CNOT1: variants seen among roughly 807,000 people sequenced by gnomAD.
CNOT1 encodes CCR4-associated factor 1.
Under a neutral mutation model 273.8 loss-of-function variants are expected in CNOT1, and 15 were observed. The observed-to-expected ratio is 0.05, with a 90% CI of 0.04 to 0.08. The LOEUF (loss-of-function observed/expected upper bound fraction) is 0.08, where lower values mean the gene tolerates loss of function less well. Among genes scored for constraint, CNOT1 ranks in the 10% least tolerant of loss-of-function variants. The pLI, the probability that CNOT1 is intolerant of heterozygous loss-of-function variation, is 1.00. For missense variants in CNOT1, 1,644 were observed against 2,912.2 expected (o/e 0.56, Z 10.02); for synonymous variants, 1,022 against 1,005.5 (o/e 1.02, Z -0.31).
chr16:58,545,697 T>G (rs940160718), intron 29 of CNOT1, among the ~76,000 whole-genome samples: 1 of 152,200 alleles, frequency 6.6e-6, no homozygotes, highest in Non-Finnish European at 1.5e-5. Flanking sequence ...TGTTAAACTA[T>G]GTCAGTGCCA....
chr16:58,601,404 C>A (rs1444027389), intron 1 of CNOT1, among the ~76,000 whole-genome samples: 1 of 152,036 alleles, frequency 6.6e-6, no homozygotes, highest in Non-Finnish European at 1.5e-5. Flanking sequence ...GCCACAACAC[C>A]CATTTTTTAA....
In CNOT1 at chr16:58,599,301, T is replaced by C. The variant is rs2152007463; in HGVS notation, c.37A>G (p.Ile13Val). 6.2e-7 allele frequency: 1 copy of C among 1,614,198 alleles called. No homozygotes were observed. The highest frequency in any genetic ancestry group is 1.3e-5 in the African/African-American group (1 of 75,062). ...LDSLSLALSQ[I>V]SYLVDNLTKK... ...GTTAAATTGTCCACCAGGTAGCTGA[T>C]TTGAGACAAGGCCAGCGAGAGCGAG... Residue 13 changes from isoleucine to valine, a missense_variant, in exon 2 of 49, where the codon ATC becomes GTC. Physicochemically the swap from Ile to Val is conservative, Grantham distance 29 (BLOSUM62 3). Around this residue, in one of 13 missense-constraint regions of CNOT1, gnomAD observed 706 missense variants for 1,021.2 expected, o/e 0.69. Coordinates refer to ENST00000317147, the MANE Select transcript of CNOT1 (RefSeq NM_016284.5).
chr16:58,522,651 T>A (rs999026846), intron 47 of CNOT1, among the ~76,000 whole-genome samples: 1 of 152,184 alleles, frequency 6.6e-6, no homozygotes, highest in Non-Finnish European at 1.5e-5. Flanking sequence ...AATGCAAGTA[T>A]GATCCTGTTA....
intron 1 of CNOT1, among the ~76,000 whole-genome samples, chr16:58,599,824 G>A (rs1240370840): frequency 6.6e-6 from 1 of 152,124 alleles, no homozygotes; most frequent in African/African-American, 2.4e-5. Context: ...CCAGCACTTT[G>A]CGAGGCCGAG....
At chr16:58,600,640 C>T (rs1332915659) in intron 1 of CNOT1, among the ~76,000 whole-genome samples, 1 of 152,088 alleles carries the variant, frequency 6.6e-6, no homozygotes, top group Non-Finnish European at 1.5e-5. Context: ...AATGGCTGTA[C>T]AGGTAAGGAA....
Position 58,521,233 on chromosome 16 carries a change from C to T in CNOT1, c.7002G>A (p.Ala2334=), listed in dbSNP as rs754967022. The T allele has an allele frequency of 1.1e-5, 17 of 1,613,986 alleles. No homozygotes were observed. Among genetic ancestry groups the T allele is most frequent in the East Asian group, 8.9e-5 (4 of 44,898 alleles). ...ITFIELIKNP[A]FKFWNHEFVH... Reference sequence around the variant, plus strand: ...CAAATTCATGGTTCCAGAACTTAAACGCTGGGTTTTTAATCAGCTCAATGA... The same window carrying T: ...CAAATTCATGGTTCCAGAACTTAAATGCTGGGTTTTTAATCAGCTCAATGA... The change falls in exon 48 of 49, where the codon GCG becomes GCA. Residue 2334 remains alanine (A), a synonymous_variant. Transcript: ENST00000317147.
chr16:58,562,995 A>G (rs2040914372), intron 16 of CNOT1, among the ~76,000 whole-genome samples: 1 of 152,226 alleles, frequency 6.6e-6, no homozygotes, highest in African/African-American at 2.4e-5. Flanking sequence ...GTACTGAATA[A>G]GCCTATATTA....
intron 16 of CNOT1, among the ~76,000 whole-genome samples, chr16:58,572,979 A>C (rs2041330256): frequency 1.3e-5 from 2 of 151,664 alleles, no homozygotes; most frequent in African/African-American, 2.4e-5. Context: ...AATCAGTACA[A>C]GATGTACACT....
At chr16:58,611,963 T>C (rs1376778208) in intron 1 of CNOT1, among the ~76,000 whole-genome samples, 1 of 152,142 alleles carries the variant, frequency 6.6e-6, no homozygotes, top group African/African-American at 2.4e-5. Flanking sequence ...ATCTGTTTGC[T>C]CGTTTGTTTT....
At chr16:58,545,746 A>G (rs1053328214) in intron 29 of CNOT1, among the ~76,000 whole-genome samples, 3 of 152,196 alleles carry the variant, frequency 2.0e-5, no homozygotes, top group African/African-American at 7.2e-5. Context: ...CAGCCATGCC[A>G]TATTGTCAGG....
intron 10 of CNOT1, 104 bp downstream of exon 10, chr16:58,582,689 T>A: frequency 1.4e-6 from 1 of 719,830 alleles, no homozygotes; most frequent in Non-Finnish European, 2.4e-6. Flanking sequence ...GGACACTTTA[T>A]TACTTTTTGA....
chr16:58,573,231 G>A (rs190967584), intron 16 of CNOT1, among the ~76,000 whole-genome samples: 29 of 150,992 alleles, frequency 1.9e-4, no homozygotes, highest in Admixed American at 5.3e-4. Flanking sequence ...ACTTGAACCC[G>A]GGAGGCAGAA....
rs111747733 is a variant in CNOT1 at position 58,565,311 on chromosome 16, C to T, written c.1980-4949G>A. Among the ~76,000 whole-genome samples the T allele has an allele frequency of 2.7e-3, 412 of 152,130 alleles. 2 individuals are homozygous for T. The highest frequency in any genetic ancestry group is 9.4e-3 in the African/African-American group (388 of 41,490). Reference sequence around the variant, plus strand: ...ATGTTTTTTTTCAGAGACGGGGTTTCGCGACATTGCCCAGGCTGGTCTCAA... The same window carrying T: ...ATGTTTTTTTTCAGAGACGGGGTTTTGCGACATTGCCCAGGCTGGTCTCAA... On this transcript the variant is annotated intron_variant, in intron 16 of 48. Transcript: ENST00000317147.
chr16:58,542,816 C>G (rs567371702), intron 31 of CNOT1, among the ~76,000 whole-genome samples: 1 of 152,120 alleles, frequency 6.6e-6, no homozygotes, highest in South Asian at 2.1e-4. Context: ...GCAGGCCAGA[C>G]GCGGTGGCTC....
At chr16:58,587,755 T>C in intron 4 of CNOT1, 25 bp downstream of exon 4, 1 of 1,609,426 alleles carries the variant, frequency 6.2e-7, no homozygotes, top group Non-Finnish European at 8.5e-7. Flanking sequence ...GAGATCACAC[T>C]CTTAAAGATA....
intron 16 of CNOT1, among the ~76,000 whole-genome samples, chr16:58,566,195 T>C (rs969452440): frequency 6.6e-6 from 1 of 152,214 alleles, no homozygotes; most frequent in Non-Finnish European, 1.5e-5. Flanking sequence ...TGTGGAGAGA[T>C]ATTTTCAAAC....
intron 2 of CNOT1, among the ~76,000 whole-genome samples, chr16:58,590,494 C>G (rs1748515116): frequency 6.6e-6 from 1 of 152,044 alleles, no homozygotes; most frequent in South Asian, 2.1e-4. Flanking sequence ...ACTTGAGAGG[C>G]TGATGTATGA....
intron 44 of CNOT1, chr16:58,527,790 C>T (rs561353887): frequency 5.4e-6 from 1 of 184,738 alleles, no homozygotes; most frequent in South Asian, 1.1e-4. Flanking sequence ...CAAGGAACAA[C>T]TGCACAAGTG....
intron 43 of CNOT1, among the ~76,000 whole-genome samples, chr16:58,529,228 G>A (rs2039695412): frequency 6.6e-6 from 1 of 152,118 alleles, no homozygotes; most frequent in Non-Finnish European, 1.5e-5. Context: ...AGCACACTGA[G>A]ACACGCAAAG....
Sources: gnomAD v4.1 joint callset for allele counts (sites outside exome capture counted in the v4.1 genomes callset) on GRCh38, gnomAD v4.1.1 for gene constraint, gnomAD v4.1.1 regional missense constraint, MANE v1.5 for transcripts, NCBI Gene and HGNC (gene_info 2026-07-23, HGNC 2026-07-21) for gene names.